The following ZNF709 variants were observed in gnomAD, a reference collection of about 807,000 sequenced individuals.
The protein encoded by ZNF709 is zinc finger protein 709.
ZNF709 carries 15 observed loss-of-function variants against 10.6 expected under a neutral mutation model. That is an observed-to-expected ratio of 1.41 (90% CI 0.95 to 2.18). The LOEUF is 2.18. Ranked by LOEUF, ZNF709 falls within the 30% of genes most tolerant of loss-of-function variation. The probability of loss-of-function intolerance (pLI) is 0.00; values close to 1 mark genes in which losing one functional copy is unlikely to be tolerated. For missense variants in ZNF709, 589 were observed against 774.0 expected, an observed-to-expected ratio of 0.76 and a Z score of 2.84; for synonymous variants, 194 against 238.8, an observed-to-expected ratio of 0.81 and a Z score of 1.73.
intron 1 of ZNF709, among the ~76,000 whole-genome samples, chr19:12,472,074 AG>A (rs1217539427): frequency 6.6e-6 from 1 of 152,238 alleles, no homozygotes; most frequent in Non-Finnish European, 1.5e-5. Context: ...TTGTAGTCCT[AG>A]CTACTCAGGA....
At chr19:12,466,045 GT>G (rs1379249275) in intron 3 of ZNF709, among the ~76,000 whole-genome samples, 1 of 151,204 alleles carries the variant, frequency 6.6e-6, no homozygotes, top group Non-Finnish European at 1.5e-5. Context: ...GGTTCAAGCA[GT>G]TCTCCTGCCT....
rs757145955 is a variant in ZNF709, at chr19:12,484,671, G to C, written c.-14C>G. On this transcript the variant is annotated 5_prime_UTR_variant, in exon 1 of 4. Transcript: ENST00000397732. ...CACACTTACCATTTCCCAGACTCTGGGATGTCCTGGTGTTCTGTTTACCTC... is the reference window on the plus strand; with the variant it reads ...CACACTTACCATTTCCCAGACTCTGCGATGTCCTGGTGTTCTGTTTACCTC... The C allele has an allele frequency of 6.2e-7, 1 of 1,614,042 alleles. No individual in the cohort carries two copies. The highest frequency in any genetic ancestry group is 8.5e-7 in the Non-Finnish European group (1 of 1,179,948).
rs569629828 is a variant in ZNF709, at chr19:12,467,420, G to A, written c.4-570C>T. On this transcript the variant is annotated intron_variant, in intron 1 of 3. Coordinates refer to ENST00000397732, the MANE Select transcript of ZNF709 (RefSeq NM_152601.4). The stretch of plus-strand genomic sequence containing the variant: ...GGCCTCCCGAGGTGCCGTGATTGCA[G>A]ACGGAGTCTCGTTCACTCAGTGCTC... Among the ~76,000 whole-genome samples, 4 of 152,368 alleles carry A rather than the reference G, an allele frequency of 2.6e-5. No homozygotes were observed. The South Asian group carries it at 8.3e-4, about 32-fold the overall frequency.
At chr19:12,483,307 A>ATTT (rs35777030) in intron 1 of ZNF709, among the ~76,000 whole-genome samples, 2,683 of 95,148 alleles carry the variant, frequency 0.028, 63 homozygotes, top group South Asian at 0.039. Flanking sequence ...CGCCCAGCTA[A>ATTT]TTTTTTTTTT....
intron 1 of ZNF709, among the ~76,000 whole-genome samples, chr19:12,468,705 AAAG>A (rs1025737091): frequency 6.6e-6 from 1 of 152,134 alleles, no homozygotes; most frequent in African/African-American, 2.4e-5. Context: ...AAAAAAAAAA[AAAG>A]AAATGCTATA....
At chr19:12,468,169 G>T (rs1032590695) in intron 1 of ZNF709, among the ~76,000 whole-genome samples, 1 of 152,178 alleles carries the variant, frequency 6.6e-6, no homozygotes, top group African/African-American at 2.4e-5. Flanking sequence ...CCCTCTGCCC[G>T]GCCACCACCC....
chr19:12,481,460 G>A (rs1348360855), intron 1 of ZNF709, among the ~76,000 whole-genome samples: 2 of 151,476 alleles, frequency 1.3e-5, no homozygotes, highest in African/African-American at 4.9e-5. Context: ...GGCTGGTCTC[G>A]AACTTCTGAC....
rs1970529325 is a variant in ZNF709 at position 12,462,890 on chromosome 19, ATCAAT to A, written c.*1101_*1105del. ...GAAACTGATTTAATGAAAAAATACT[ATCAAT>A]TCAACTTGTGTACAACTGTATAAGA... On this transcript the variant is annotated 3_prime_UTR_variant, in exon 4 of 4. Coordinates refer to ENST00000397732, the MANE Select transcript of ZNF709 (RefSeq NM_152601.4). 6.6e-6 allele frequency: 1 copy of A among 152,228 alleles called. No individual in the cohort carries two copies. The highest frequency in any genetic ancestry group is 2.4e-5 in the African/African-American group (1 of 41,470). 9.4% of individuals were successfully genotyped at this position (152,228 alleles called of 1,614,324 possible).
chr19:12,465,630 T>C lies in ZNF709; in HGVS notation c.292A>G (p.Arg98Gly). The change falls in exon 4 of 4, where the codon AGA becomes GGA. Residue 98 changes from arginine to glycine, a missense_variant. By Grantham distance (125) the Arg-to-Gly change is moderately radical. Coordinates refer to ENST00000397732, the MANE Select transcript of ZNF709 (RefSeq NM_152601.4). ...ACACTACATTCATATGGTTTTACTC[T>C]AGTAAAAGTTTTCTTGTTTGGTTTA... ...NPKPNKKTFT[R>G]VKPYECSVCG... 1 of 1,613,104 alleles carries C rather than the reference T, an allele frequency of 6.2e-7. No individual in the cohort carries two copies. The highest frequency in any genetic ancestry group is 8.5e-7 in the Non-Finnish European group (1 of 1,179,776).
chr19:12,466,417 A>C, intron 3 of ZNF709, 45 bp downstream of exon 3: 1 of 1,539,694 alleles, frequency 6.5e-7, no homozygotes, highest in Non-Finnish European at 8.9e-7. Context: ...TGGCATGCTA[A>C]GATTCTCTCA....
intron 1 of ZNF709, among the ~76,000 whole-genome samples, chr19:12,468,051 C>T (rs985081523): frequency 2.4e-4 from 36 of 151,310 alleles, no homozygotes; most frequent in African/African-American, 5.8e-4. Flanking sequence ...CCCGGCCAGC[C>T]GTCCCGTCCG....
At chr19:12,471,233 T>C (rs938776887) in intron 1 of ZNF709, among the ~76,000 whole-genome samples, 4 of 152,146 alleles carry the variant, frequency 2.6e-5, no homozygotes, top group Admixed American at 2.6e-4. Context: ...TATGACTAAA[T>C]AAGGCTAATA....
intron 1 of ZNF709, among the ~76,000 whole-genome samples, chr19:12,468,294 T>C (rs186907432): frequency 5.3e-5 from 8 of 152,336 alleles, no homozygotes; most frequent in South Asian, 2.1e-4. Context: ...GGATGGTTGC[T>C]GTGTCTGTGT....
intron 1 of ZNF709, among the ~76,000 whole-genome samples, chr19:12,479,765 G>A (rs549458969): frequency 9.2e-5 from 14 of 152,222 alleles, no homozygotes; most frequent in Non-Finnish European, 1.9e-4. Flanking sequence ...AGCTACTCGC[G>A]AGGCTGAGGC....
Position 12,465,135 on chromosome 19 carries a change from A to T in ZNF709, c.787T>A (p.Tyr263Asn), listed in dbSNP as rs748880063. 4.3e-6 allele frequency: 7 copies of T among 1,612,156 alleles called. No homozygotes were observed. In the South Asian group the frequency reaches 7.7e-5, roughly 18 times the overall value. Residue 263 changes from tyrosine to asparagine, a missense_variant, in exon 4 of 4, where the codon TAT becomes AAT. Transcript: ENST00000397732. ...TCATGTATTTGAAAAGTTTGGTAAT[A>T]TCTGAAAGCTTTTCCACATTGTTTA... ...ECKQCGKAFR[Y>N]YQTFQIHERT... is the part of the protein sequence containing the mutation.
chr19:12,466,701 T>C, intron 2 of ZNF709, 23 bp downstream of exon 2: 1 of 1,614,022 alleles, frequency 6.2e-7, no homozygotes, highest in Non-Finnish European at 8.5e-7. Flanking sequence ...ATTGACTAAG[T>C]GAGGGAATAA....
At chr19:12,467,335 G>A (rs1184227200) in intron 1 of ZNF709, among the ~76,000 whole-genome samples, 1 of 152,234 alleles carries the variant, frequency 6.6e-6, no homozygotes, top group Non-Finnish European at 1.5e-5. Context: ...TGGAGACGGG[G>A]TTTCGCTGTG....
chr19:12,469,180 C>T (rs933803919), intron 1 of ZNF709, among the ~76,000 whole-genome samples: 4 of 152,068 alleles, frequency 2.6e-5, no homozygotes, highest in Admixed American at 6.6e-5. Flanking sequence ...AAGAACTGTA[C>T]ATTTTTTCTT....
intron 1 of ZNF709, chr19:12,481,121 C>G (rs1364052413): frequency 2.1e-6 from 2 of 975,586 alleles, no homozygotes; most frequent in Non-Finnish European, 2.4e-6. Flanking sequence ...CATGCACATA[C>G]AAAAACCGAT....
Sources: allele counts gnomAD v4.1 joint callset (sites outside exome capture counted in the v4.1 genomes callset), GRCh38; gene constraint gnomAD v4.1.1; transcripts MANE v1.5; gene names NCBI Gene and HGNC (gene_info 2026-07-23, HGNC 2026-07-21).